CIMIP2C: variants seen among roughly 807,000 people sequenced by gnomAD.
CIMIP2C encodes ciliary microtubule inner protein 2C, also known as UPF0573 protein C2orf70.
chr2:26,579,068 G>A, the CIMIP2C span: 236 of 577,316 alleles, frequency 4.1e-4, no homozygotes, highest in Middle Eastern at 3.4e-3. Flanking sequence ...ACCAGAGTCC[G>A]TCCCAGGTCT....
At chr2:26,575,134 C>G in the CIMIP2C span, among the ~76,000 whole-genome samples, 4 of 152,238 alleles carry the variant, frequency 2.6e-5, no homozygotes, top group African/African-American at 9.6e-5. Flanking sequence ...CTGTCCCTCT[C>G]CTGGAACCTC....
chr2:26,579,464 A>T, the CIMIP2C span: 2 of 1,607,668 alleles, frequency 1.2e-6, no homozygotes, highest in Non-Finnish European at 1.7e-6. Context: ...GCAGAGCCTG[A>T]TGCCTGAGAT....
chr2:26,566,991 C>T, the CIMIP2C span, among the ~76,000 whole-genome samples: 355 of 152,258 alleles, frequency 2.3e-3, 1 homozygote, highest in African/African-American at 7.9e-3. Flanking sequence ...ATTATAGAAG[C>T]CAACATGCCT....
the CIMIP2C span, among the ~76,000 whole-genome samples, chr2:26,566,745 A>C: frequency 6.6e-6 from 1 of 152,172 alleles, no homozygotes; most frequent in Admixed American, 6.5e-5. Flanking sequence ...TTTGAGACAG[A>C]GTCTTACTCT....
At chr2:26,565,508 A>T in the CIMIP2C span, among the ~76,000 whole-genome samples, 18 of 152,208 alleles carry the variant, frequency 1.2e-4, no homozygotes, top group African/African-American at 4.3e-4. Flanking sequence ...ACTCACCCCA[A>T]TATCTCCCCA....
At chr2:26,578,675 C>T in the CIMIP2C span, 2 of 460,286 alleles carry the variant, frequency 4.3e-6, no homozygotes, top group African/African-American at 2.0e-5. Context: ...GTGGGACTCT[C>T]CTGGGGACAG....
chr2:26,571,702 A>C, the CIMIP2C span, among the ~76,000 whole-genome samples: 2 of 152,152 alleles, frequency 1.3e-5, no homozygotes, highest in African/African-American at 4.8e-5. Context: ...CGTTTGGTGC[A>C]TTTTATTCAG....
At chr2:26,562,649 T>C in the CIMIP2C span, 1 of 1,586,838 alleles carries the variant, frequency 6.3e-7, no homozygotes, top group Non-Finnish European at 8.6e-7. Context: ...ACTGACCGAG[T>C]TCAATGCCGC....
chr2:26,574,901 T>G, the CIMIP2C span, among the ~76,000 whole-genome samples: 6 of 152,152 alleles, frequency 3.9e-5, no homozygotes, highest in East Asian at 1.2e-3. Context: ...AAGGGCCTCA[T>G]GGAGCAGAAG....
chr2:26,572,214 C>T, the CIMIP2C span: 2 of 1,166,758 alleles, frequency 1.7e-6, no homozygotes, highest in Non-Finnish European at 2.3e-6. Flanking sequence ...ATTAGTTTTA[C>T]TTTGACAGGT....
At chr2:26,570,728 G>T in the CIMIP2C span, among the ~76,000 whole-genome samples, 2 of 152,238 alleles carry the variant, frequency 1.3e-5, no homozygotes, top group South Asian at 4.1e-4. Flanking sequence ...CTGGGGCCCA[G>T]GGCACCTACA....
chr2:26,562,621 C>A, the CIMIP2C span: 3 of 1,582,050 alleles, frequency 1.9e-6, no homozygotes, highest in African/African-American at 4.0e-5. Context: ...CCATGGCCTC[C>A]CGCAGCGCGG....
chr2:26,574,334 G>T, the CIMIP2C span, among the ~76,000 whole-genome samples: 1 of 152,334 alleles, frequency 6.6e-6, no homozygotes, highest in East Asian at 1.9e-4. Context: ...CCACAGGCCA[G>T]GTACAAGGGC....
the CIMIP2C span, chr2:26,576,175 G>C: frequency 6.2e-7 from 1 of 1,612,174 alleles, no homozygotes; most frequent in Non-Finnish European, 8.5e-7. Flanking sequence ...ATTTCTACCA[G>C]GTAAGCTGTG....
chr2:26,573,672 G>T, the CIMIP2C span, among the ~76,000 whole-genome samples: 309 of 152,308 alleles, frequency 2.0e-3, 1 homozygote, highest in Admixed American at 4.2e-3. Flanking sequence ...GGGAACTCAG[G>T]GGGCCAAGGA....
chr2:26,579,402 GAA>G, the CIMIP2C span: 283 of 1,613,996 alleles, frequency 1.8e-4, no homozygotes, highest in Admixed American at 1.1e-3. Flanking sequence ...CACAGGAGCG[GAA>G]AAAGAGAGAC....
the CIMIP2C span, among the ~76,000 whole-genome samples, chr2:26,570,025 A>G: frequency 1.3e-5 from 2 of 152,318 alleles, no homozygotes; most frequent in Non-Finnish European, 2.9e-5. Flanking sequence ...ACTGAGTGCT[A>G]AAGAATGTGA....
chr2:26,577,635 G>A, the CIMIP2C span: 1 of 1,607,760 alleles, frequency 6.2e-7, no homozygotes, highest in Non-Finnish European at 8.5e-7. Context: ...TCCTGTGAGT[G>A]CCTGCCCTCC....
At chr2:26,578,669 G>T in the CIMIP2C span, 4 of 453,178 alleles carry the variant, frequency 8.8e-6, no homozygotes, top group East Asian at 2.8e-4. Context: ...AGTATAGTGG[G>T]ACTCTCCTGG....
Sources: allele counts gnomAD v4.1 joint callset (sites outside exome capture counted in the v4.1 genomes callset), GRCh38; gene constraint gnomAD v4.1.1; transcripts MANE v1.5; gene names NCBI Gene and HGNC (gene_info 2026-07-23, HGNC 2026-07-21).